The following PLXNC1 variants were observed in gnomAD, a reference collection of about 807,000 sequenced individuals.
PLXNC1 encodes plexin-C1.
A neutral mutation model predicts 178.2 loss-of-function variants in PLXNC1; 75 were observed. The ratio of observed to expected loss-of-function variants is 0.42; its 90% CI spans 0.35 to 0.51. PLXNC1 has a LOEUF of 0.51. Ranked by LOEUF, PLXNC1 falls within the 20% of genes least tolerant of loss-of-function variation. PLXNC1 has a pLI of 0.02. For synonymous variants in PLXNC1, 790 were observed against 779.9 expected, an observed-to-expected ratio of 1.01 and a Z score of -0.22; for missense variants, 1,503 against 1,984.4, an observed-to-expected ratio of 0.76 and a Z score of 4.61.
chr12:94,192,349 A>G lies in PLXNC1; in HGVS notation c.1439+5876A>G, dbSNP rs547140781. 2.0e-5 allele frequency among the ~76,000 whole-genome samples: 3 copies of G among 151,990 alleles called. No individual in the cohort carries two copies. The South Asian group carries it at 6.2e-4, about 32-fold the overall frequency. The stretch of plus-strand genomic sequence containing the variant: ...CAATCACAAATATTTTTTAAGCACA[A>G]CAATGTGCTAAGTCCTATGCTCAGT... On this transcript the variant is annotated intron_variant, in intron 4 of 30. Coordinates refer to ENST00000258526, the MANE Select transcript of PLXNC1 (RefSeq NM_005761.3).
Position 94,243,981 on chromosome 12 carries a change from A to G in PLXNC1, c.2344A>G (p.Ile782Val). The G allele has an allele frequency of 6.2e-7, 1 of 1,600,490 alleles. No individual in the cohort carries two copies. Among genetic ancestry groups the G allele is most frequent in the African/African-American group, 1.3e-5 (1 of 74,884 alleles). ...CATGATGGGCAGAAATTTTGATGTAATTGACAACTTAATCATTTCACATGA... is the reference window on the plus strand; with the variant it reads ...CATGATGGGCAGAAATTTTGATGTAGTTGACAACTTAATCATTTCACATGA... ...ITMMGRNFDV[I>V]DNLIISHELK... Residue 782 changes from isoleucine (I) to valine (V), a missense_variant, in exon 12 of 31, where the codon ATT becomes GTT. Around this residue, in one of 4 missense-constraint regions of PLXNC1, gnomAD observed 639 missense variants for 979.7 expected, o/e 0.65. Transcript: ENST00000258526.
intron 20 of PLXNC1, among the ~76,000 whole-genome samples, chr12:94,261,297 C>G (rs1028797435): frequency 1.3e-5 from 2 of 152,220 alleles, no homozygotes; most frequent in African/African-American, 2.4e-5. Context: ...GCTGCCTCCC[C>G]CTGGAGTTTG....
chr12:94,301,870 ACTC>A (rs1246809259), intron 28 of PLXNC1, among the ~76,000 whole-genome samples: 9 of 151,638 alleles, frequency 5.9e-5, no homozygotes, highest in African/African-American at 1.9e-4. Context: ...GTTATCTTTG[ACTC>A]CTCTTCCTTC....
intron 23 of PLXNC1, 44 bp from the exon 24 acceptor site, chr12:94,294,442 C>A: frequency 1.2e-6 from 1 of 816,044 alleles, no homozygotes; most frequent in South Asian, 1.5e-5. Context: ...TTGAGAAATC[C>A]ATTAAATTTT....
chr12:94,282,271 A>T (rs1335227295), intron 22 of PLXNC1, 27 bp from the exon 23 acceptor site: 1 of 1,531,866 alleles, frequency 6.5e-7, no homozygotes, highest in Non-Finnish European at 9.0e-7. Context: ...AAAACTCTCT[A>T]AAAAGGAACA....
intron 12 of PLXNC1, among the ~76,000 whole-genome samples, chr12:94,246,083 G>C (rs920009838): frequency 3.9e-5 from 6 of 152,246 alleles, no homozygotes; most frequent in African/African-American, 1.4e-4. Context: ...TGAGTCCTGG[G>C]AAACCACGAG....
chr12:94,188,602 C>A (rs1962609566), intron 4 of PLXNC1, among the ~76,000 whole-genome samples: 1 of 152,148 alleles, frequency 6.6e-6, no homozygotes, highest in Admixed American at 6.5e-5. Flanking sequence ...AGGATTACAG[C>A]CGTGAGCCAC....
chr12:94,200,156 T>C (rs1442164932), intron 4 of PLXNC1, among the ~76,000 whole-genome samples: 2 of 152,242 alleles, frequency 1.3e-5, no homozygotes, highest in African/African-American at 2.4e-5. Context: ...TCCGTGCTAC[T>C]TACCTGCACC....
chr12:94,277,088 A>C (rs1966019871), intron 21 of PLXNC1: 1 of 152,168 alleles, frequency 6.6e-6, no homozygotes, highest in African/African-American at 2.4e-5. Flanking sequence ...GTGGCTTATA[A>C]ATAATAGAAA....
chr12:94,223,132 G>A (rs377500077), intron 6 of PLXNC1, among the ~76,000 whole-genome samples: 63 of 152,244 alleles, frequency 4.1e-4, no homozygotes, highest in African/African-American at 1.4e-3. Flanking sequence ...GCACCCTCTC[G>A]GCCAGGCATG....
rs528636758 is a variant in PLXNC1, at chr12:94,212,782, C to G, written c.1554+3078C>G. Among the ~76,000 whole-genome samples, 133 of 149,550 alleles carry G rather than the reference C, an allele frequency of 8.9e-4. No individual in the cohort carries two copies. The South Asian group carries it at 0.016, about 18-fold the overall frequency. ...TCGCCCAGGCTGGAGTGCAGTGGCA[C>G]GATCTTGGCTCACTGCAAGCTCCGC... On this transcript the variant is annotated intron_variant, in intron 5 of 30. Coordinates refer to ENST00000258526, the MANE Select transcript of PLXNC1 (RefSeq NM_005761.3).
chr12:94,173,261 T>G (rs575823150), intron 2 of PLXNC1, among the ~76,000 whole-genome samples: 2 of 152,226 alleles, frequency 1.3e-5, no homozygotes, highest in Non-Finnish European at 2.9e-5. Context: ...CAGCCTATCA[T>G]GTGGTTTGGA....
intron 23 of PLXNC1, among the ~76,000 whole-genome samples, chr12:94,293,011 C>T (rs1967515912): frequency 6.6e-6 from 1 of 152,150 alleles, no homozygotes; most frequent in African/African-American, 2.4e-5. Flanking sequence ...CCGCTGCTCT[C>T]TTCTCCAAAT....
chr12:94,298,915 G>C, intron 27 of PLXNC1, 120 bp downstream of exon 27: 1 of 950,000 alleles, frequency 1.1e-6, no homozygotes, highest in Non-Finnish European at 1.5e-6. Context: ...CTTTGGGCTT[G>C]GTAAGCTATC....
At chr12:94,193,152 C>A (rs185554314) in intron 4 of PLXNC1, among the ~76,000 whole-genome samples, 1 of 152,004 alleles carries the variant, frequency 6.6e-6, no homozygotes, top group African/African-American at 2.4e-5. Context: ...TCAGTGTGGA[C>A]GAGCTTCACA....
intron 6 of PLXNC1, among the ~76,000 whole-genome samples, chr12:94,223,152 G>A (rs1055354757): frequency 4.6e-5 from 7 of 152,152 alleles, no homozygotes; most frequent in East Asian, 1.9e-4. Context: ...GGTGGCACAC[G>A]CCTGTAATCC....
At chr12:94,194,536 T>C (rs1408082840) in intron 4 of PLXNC1, among the ~76,000 whole-genome samples, 1 of 152,160 alleles carries the variant, frequency 6.6e-6, no homozygotes, top group African/African-American at 2.4e-5. Context: ...GGTGAATCAC[T>C]TGAGCCCAGG....
chr12:94,247,269 G>A (rs1964554596), intron 12 of PLXNC1, among the ~76,000 whole-genome samples: 1 of 151,732 alleles, frequency 6.6e-6, no homozygotes, highest in African/African-American at 2.4e-5. Flanking sequence ...TTTTTGCATT[G>A]TTTTCAGTTT....
chr12:94,255,262 A>G lies in PLXNC1; in HGVS notation c.3053A>G (p.Tyr1018Cys), dbSNP rs1964807473. The G allele has an allele frequency of 6.2e-7, 1 of 1,613,302 alleles. No individual in the cohort carries two copies. The highest frequency in any genetic ancestry group is 8.5e-7 in the Non-Finnish European group (1 of 1,179,320). The change falls in exon 17 of 31, where the codon TAC (tyrosine) becomes TGC (cysteine). Residue 1018 changes from tyrosine to cysteine, a missense_variant. Physicochemically the swap from Tyr to Cys is radical, Grantham distance 194. Transcript: ENST00000258526. ...DSFGTVPFLDYKHFALRTFFP... is the reference protein window; with the variant it reads ...DSFGTVPFLDCKHFALRTFFP... ...TTTGGAACTGTTCCCTTCCTTGACT[A>G]CAAACATTTTGCTCTGAGAACTTTC...
Sources: gnomAD v4.1 joint callset for allele counts (sites outside exome capture counted in the v4.1 genomes callset) on GRCh38, gnomAD v4.1.1 for gene constraint, gnomAD v4.1.1 regional missense constraint, MANE v1.5 for transcripts, NCBI Gene and HGNC (gene_info 2026-07-23, HGNC 2026-07-21) for gene names.